Variants in ANAPC5 observed in about 807,000 individuals in gnomAD.
ANAPC5 encodes the protein anaphase-promoting complex subunit 5.
Under a neutral mutation model 91.3 loss-of-function variants are expected in ANAPC5, and 60 were observed. The ratio of observed to expected loss-of-function variants is 0.66; its 90% CI spans 0.53 to 0.81. ANAPC5 has a LOEUF of 0.81. Among genes scored for constraint, ANAPC5 ranks in the 40% least tolerant of loss-of-function variants. The pLI, the probability that ANAPC5 is intolerant of heterozygous loss-of-function variation, is 0.00. For missense variants in ANAPC5, 690 were observed against 931.5 expected (o/e 0.74, Z 3.37); for synonymous variants, 340 against 364.1 (o/e 0.93, Z 0.75).
At chr12:121,334,095 G>A (rs1431316806) in intron 7 of ANAPC5, 3 of 152,186 alleles carry the variant, frequency 2.0e-5, no homozygotes, top group Non-Finnish European at 2.9e-5. Context: ...GGGTAACAAA[G>A]CAAGATCCTA....
Position 121,319,679 on chromosome 12 carries a change from G to T in ANAPC5, c.1637+18C>A, listed in dbSNP as rs759938956. Reference sequence around the variant, plus strand: ...ACAATTATTTTATTCTGGGGTTAGAGTTTTCAAGGTTTCTTACCTATAAAC... The same window carrying T: ...ACAATTATTTTATTCTGGGGTTAGATTTTTCAAGGTTTCTTACCTATAAAC... On this transcript the variant is annotated intron_variant, in intron 13 of 16. Coordinates refer to ENST00000261819, the MANE Select transcript of ANAPC5 (RefSeq NM_016237.5). 1 of 1,596,710 alleles carries T rather than the reference G, an allele frequency of 6.3e-7. No individual in the cohort carries two copies. The highest frequency in any genetic ancestry group is 1.2e-5 in the South Asian group (1 of 86,220).
At chr12:121,321,311 C>G (rs987769804) in intron 11 of ANAPC5, among the ~76,000 whole-genome samples, 2 of 144,952 alleles carry the variant, frequency 1.4e-5, no homozygotes, top group African/African-American at 2.5e-5. Context: ...AAAACACTTA[C>G]AAAATACATG....
At chr12:121,330,239 G>A (rs1214016255) in intron 9 of ANAPC5, among the ~76,000 whole-genome samples, 4 of 152,116 alleles carry the variant, frequency 2.6e-5, no homozygotes, top group Admixed American at 6.5e-5. Flanking sequence ...GCCCAAGGGC[G>A]GGAAAGTTCA....
At chr12:121,319,902 G>C (rs1902527354) in intron 12 of ANAPC5, 84 bp from the exon 13 acceptor site, 1 of 1,309,892 alleles carries the variant, frequency 7.6e-7, no homozygotes, top group South Asian at 1.5e-5. Flanking sequence ...GGATTGCTTA[G>C]CAAATATCCT....
At chr12:121,353,298 C>T (rs1903976218), upstream of ANAPC5, among the ~76,000 whole-genome samples, 1 of 152,200 alleles carries the variant, frequency 6.6e-6, no homozygotes, top group South Asian at 2.1e-4. Context: ...ATCTGTACCT[C>T]TCCCAAGACA....
rs782795244 is a variant in ANAPC5, at chr12:121,331,409, G to C, written c.970C>G (p.Leu324Val). The C allele has an allele frequency of 6.2e-7, 1 of 1,608,884 alleles. No homozygotes were observed. The highest frequency in any genetic ancestry group is 8.5e-7 in the Non-Finnish European group (1 of 1,175,630). The change falls in exon 8 of 17, where the codon CTG becomes GTG. Residue 324 changes from leucine (L) to valine (V), a missense_variant. Leu to Val is a conservative substitution (Grantham distance 32, BLOSUM62 1). Coordinates refer to ENST00000261819, the MANE Select transcript of ANAPC5 (RefSeq NM_016237.5). Reference protein sequence around the residue: ...FGHYQQAELALQEAIRIAQES... With the variant: ...FGHYQQAELAVQEAIRIAQES... The stretch of plus-strand genomic sequence containing the variant: ...TGGGCAATCCTAATTGCCTCCTGCA[G>C]GGCGAGCTCTGCCTGTTGACTAATG...
At chr12:121,328,657 C>T (rs1042344237) in intron 9 of ANAPC5, 160 bp from the exon 10 acceptor site, 9 of 618,778 alleles carry the variant, frequency 1.5e-5, no homozygotes, top group African/African-American at 3.7e-5. Context: ...CTGAGCCATA[C>T]GAGATGTGTT....
At chr12:121,336,443 C>G (rs4980985) in intron 6 of ANAPC5, among the ~76,000 whole-genome samples, 2 of 151,910 alleles carry the variant, frequency 1.3e-5, no homozygotes, top group African/African-American at 4.8e-5. Context: ...TTTGGGAGGC[C>G]GAGGAGGGTG....
At chr12:121,353,152 G>C (rs1364267543), upstream of ANAPC5, among the ~76,000 whole-genome samples, 12 of 152,062 alleles carry the variant, frequency 7.9e-5, no homozygotes, top group Non-Finnish European at 1.3e-4. Flanking sequence ...TAGAACATTA[G>C]CAACATCACC....
chr12:121,309,249 G>A (rs1410403133), intron 16 of ANAPC5, among the ~76,000 whole-genome samples: 1 of 150,274 alleles, frequency 6.7e-6, no homozygotes, highest in African/African-American at 2.5e-5. Flanking sequence ...AGGAGTTCAA[G>A]ATCAGCCTGA....
intron 1 of ANAPC5, chr12:121,350,969 A>G: frequency 2.8e-6 from 1 of 362,152 alleles, no homozygotes; most frequent in Non-Finnish European, 5.5e-6. Flanking sequence ...CATTTACTAC[A>G]TGCTAGTAAC....
intron 10 of ANAPC5, 174 bp downstream of exon 10, chr12:121,328,142 G>C: frequency 1.6e-6 from 1 of 610,772 alleles, no homozygotes; most frequent in Admixed American, 3.1e-5. Context: ...TGGGAAAAAA[G>C]TTTTCAGTCT....
intron 12 of ANAPC5, 78 bp from the exon 13 acceptor site, chr12:121,319,896 T>C (rs1054727758): frequency 2.2e-6 from 3 of 1,376,706 alleles, no homozygotes; most frequent in Non-Finnish European, 9.7e-7. Context: ...TATTTTGGAT[T>C]GCTTAGCAAA....
In ANAPC5 at chr12:121,318,503, G is replaced by A; in HGVS notation, c.1743C>T (p.Ile581=). ...GAGATGTACAAGAGACCCCTTACCT[G>A]ATCACCATTTCTGTGTTCTTCAGTT... is the stretch of plus-strand genomic sequence containing the variant. ...CQKLKNTEMV[I]SVLLSVAELY... Residue 581 remains isoleucine (I), a splice_region_variant and synonymous_variant, in exon 14 of 17, where the codon ATC becomes ATT. Transcript: ENST00000261819. 1 of 1,614,040 alleles carries A rather than the reference G, an allele frequency of 6.2e-7. No homozygotes were observed. Among genetic ancestry groups the A allele is most frequent in the Non-Finnish European group, 8.5e-7 (1 of 1,179,966 alleles).
At chr12:121,337,423 A>T in intron 5 of ANAPC5, 31 bp from the exon 6 acceptor site, 2 of 1,473,866 alleles carry the variant, frequency 1.4e-6, no homozygotes, top group Non-Finnish European at 1.9e-6. Flanking sequence ...CTCAGTAGAA[A>T]GAAAGGGTCA....
chr12:121,346,580 C>G (rs1055484252), intron 3 of ANAPC5: 21 of 248,706 alleles, frequency 8.4e-5, no homozygotes, highest in African/African-American at 4.5e-4. Flanking sequence ...CTTCATAAGT[C>G]TGGGCTGGTG....
chr12:121,335,225 G>A, intron 7 of ANAPC5: 1 of 187,094 alleles, frequency 5.3e-6, no homozygotes, highest in Non-Finnish European at 1.1e-5. Context: ...GAGTGCAATG[G>A]CGTGCTCTCG....
intron 6 of ANAPC5, among the ~76,000 whole-genome samples, chr12:121,336,012 T>A (rs1382749502): frequency 1.3e-5 from 2 of 152,232 alleles, no homozygotes; most frequent in Non-Finnish European, 2.9e-5. Flanking sequence ...TAGATGAGAA[T>A]ACTGGGCCTT....
At chr12:121,325,410 C>T (rs1902770610) in intron 11 of ANAPC5, among the ~76,000 whole-genome samples, 1 of 151,730 alleles carries the variant, frequency 6.6e-6, no homozygotes, top group South Asian at 2.1e-4. Context: ...TTGCAGTGAG[C>T]TGAGATCACA....
Sources: allele counts gnomAD v4.1 joint callset (sites outside exome capture counted in the v4.1 genomes callset), GRCh38; gene constraint gnomAD v4.1.1; transcripts MANE v1.5; gene names NCBI Gene and HGNC (gene_info 2026-07-23, HGNC 2026-07-21).